The following AHCTF1 variants were observed in gnomAD, a reference collection of about 807,000 sequenced individuals.
AHCTF1 encodes AT-hook containing transcription factor 1.
A neutral mutation model predicts 248.4 loss-of-function variants in AHCTF1; 24 were observed. That is an observed-to-expected ratio of 0.10 (90% CI 0.07 to 0.14). AHCTF1 has a LOEUF of 0.14. Among genes scored for constraint, AHCTF1 ranks in the 10% least tolerant of loss-of-function variants. The pLI, the probability that AHCTF1 is intolerant of heterozygous loss-of-function variation, is 1.00. For synonymous variants in AHCTF1, 786 were observed against 929.8 expected (o/e 0.85, Z 2.81); for missense variants, 2,206 against 2,636.2 (o/e 0.84, Z 3.57).
intron 17 of AHCTF1, among the ~76,000 whole-genome samples, chr1:246,889,247 T>C (rs1664040857): frequency 6.6e-6 from 1 of 151,960 alleles, no homozygotes; most frequent in African/African-American, 2.4e-5. Flanking sequence ...CGTGCAGGTA[T>C]GGTCCCTATT....
At chr1:246,862,282 C>T (rs886194719) in intron 27 of AHCTF1, 129 bp from the exon 28 acceptor site, 4 of 549,568 alleles carry the variant, frequency 7.3e-6, no homozygotes, top group Non-Finnish European at 1.2e-5. Flanking sequence ...AGATCGAGAC[C>T]ATCCTGGCTA....
intron 4 of AHCTF1, among the ~76,000 whole-genome samples, chr1:246,909,975 C>A (rs1208116313): frequency 1.3e-5 from 2 of 152,174 alleles, no homozygotes; most frequent in Non-Finnish European, 2.9e-5. Flanking sequence ...AAGTTGATGA[C>A]AGACTTTAAA....
Position 246,867,821 on chromosome 1 carries a change from G to T in AHCTF1, c.3089-10C>A. The stretch of plus-strand genomic sequence containing the variant: ...GGTTTGGGTCTAGAAACTGTAAAAT[G>T]AAGAACGCTGGAATTAAGTGCATCT... On this transcript the variant is annotated splice_polypyrimidine_tract_variant and intron_variant, in intron 24 of 35. Coordinates refer to ENST00000648844, the MANE Select transcript of AHCTF1 (RefSeq NM_001323342.2). 1 of 1,558,662 alleles carries T rather than the reference G, an allele frequency of 6.4e-7. No individual in the cohort carries two copies. The highest frequency in any genetic ancestry group is 8.7e-7 in the Non-Finnish European group (1 of 1,150,076).
At chr1:246,843,708 A>T in intron 34 of AHCTF1, 87 bp downstream of exon 34, 1 of 976,826 alleles carries the variant, frequency 1.0e-6, no homozygotes, top group Non-Finnish European at 1.3e-6. Context: ...AATCATTAAA[A>T]TTTAAATAAA....
chr1:246,879,814 TGA>T (rs2103112567), intron 21 of AHCTF1, among the ~76,000 whole-genome samples: 1 of 151,278 alleles, frequency 6.6e-6, no homozygotes, highest in South Asian at 2.1e-4. Flanking sequence ...GGTGACAAAG[TGA>T]GACTCTGTTC....
intron 24 of AHCTF1, among the ~76,000 whole-genome samples, chr1:246,870,217 G>A (rs1039404765): frequency 1.3e-5 from 2 of 152,172 alleles, no homozygotes; most frequent in African/African-American, 2.4e-5. Flanking sequence ...GCCAAGGTGG[G>A]AGGATCACTT....
At chr1:246,918,525 G>C in intron 1 of AHCTF1, 148 bp from the exon 2 acceptor site, 2 of 792,154 alleles carry the variant, frequency 2.5e-6, no homozygotes, top group Non-Finnish European at 3.7e-6. Context: ...GCCAGATGCG[G>C]AGGCTCACGC....
At chr1:246,921,699 T>A (rs1666560943) in intron 1 of AHCTF1, among the ~76,000 whole-genome samples, 1 of 152,168 alleles carries the variant, frequency 6.6e-6, no homozygotes, top group African/African-American at 2.4e-5. Context: ...ACAACAGTAG[T>A]AGAAACCGCA....
intron 21 of AHCTF1, among the ~76,000 whole-genome samples, chr1:246,885,071 C>T (rs935490533): frequency 1.3e-5 from 2 of 152,264 alleles, no homozygotes. Flanking sequence ...GGCGCCCCTC[C>T]CTTTTATTCA....
At chr1:246,888,616 A>C in intron 17 of AHCTF1, 99 bp from the exon 18 acceptor site, 1 of 1,378,190 alleles carries the variant, frequency 7.3e-7, no homozygotes, top group Non-Finnish European at 9.8e-7. Context: ...CCAACTATCA[A>C]AGAGAGAAGA....
In AHCTF1 at chr1:246,867,683, T is replaced by C; in HGVS notation, c.3217A>G (p.Asn1073Asp). 6.2e-7 allele frequency: 1 copy of C among 1,612,190 alleles called. No homozygotes were observed. Among genetic ancestry groups the C allele is most frequent in the South Asian group, 1.1e-5 (1 of 90,928 alleles). Residue 1073 changes from asparagine to aspartate, a missense_variant, in exon 25 of 36, where the codon AAT (asparagine) becomes GAT (aspartate). Asn to Asp is a conservative substitution (Grantham distance 23, BLOSUM62 1). Around this residue, in one of 6 missense-constraint regions of AHCTF1, gnomAD observed 955 missense variants for 1,055.6 expected, o/e 0.90. Transcript: ENST00000648844. ...TACCTATTGAAAGGTGTGGTGCTAT[T>C]TATAGGTTCTTTGCTTGCCCAAACT... ...GEVWASKEPI[N>D]STTPFNSSKI...
chr1:246,868,026 G>C (rs1572388804), intron 24 of AHCTF1, among the ~76,000 whole-genome samples: 1 of 150,876 alleles, frequency 6.6e-6, no homozygotes, highest in Non-Finnish European at 1.5e-5. Context: ...GCAGTGGCAT[G>C]ATCTCGGCTC....
At chr1:246,842,586 AAAAT>A (rs1659953152) in intron 35 of AHCTF1, 104 bp downstream of exon 35, 2 of 864,340 alleles carry the variant, frequency 2.3e-6, no homozygotes, top group East Asian at 6.7e-5. Context: ...TGTCTCAAAA[AAAAT>A]AAATAAAAAT....
At chr1:246,869,238 CACTG>C (rs544963368) in intron 24 of AHCTF1, among the ~76,000 whole-genome samples, 3 of 152,220 alleles carry the variant, frequency 2.0e-5, no homozygotes, top group East Asian at 3.9e-4. Flanking sequence ...GTACTTACTC[CACTG>C]ACTAACTGTT....
chr1:246,912,052 GT>G (rs940420590), intron 4 of AHCTF1, among the ~76,000 whole-genome samples: 2 of 151,646 alleles, frequency 1.3e-5, no homozygotes, highest in African/African-American at 2.4e-5. Context: ...GTTTTAATCG[GT>G]TTTTTTATAC....
chr1:246,922,703 C>T (rs1666626755), intron 1 of AHCTF1, among the ~76,000 whole-genome samples: 1 of 150,146 alleles, frequency 6.7e-6, no homozygotes, highest in Non-Finnish European at 1.5e-5. Flanking sequence ...TATCAATAGG[C>T]TGGGCGCAGT....
intron 24 of AHCTF1, among the ~76,000 whole-genome samples, chr1:246,873,278 T>TA (rs1397641867): frequency 6.6e-6 from 1 of 152,166 alleles, no homozygotes; most frequent in Non-Finnish European, 1.5e-5. Context: ...AATCACCATA[T>TA]AAAAAAATAG....
chr1:246,850,151 G>C lies in AHCTF1; in HGVS notation c.5855C>G (p.Ser1952Cys). Residue 1952 changes from serine (S) to cysteine (C), a missense_variant, in exon 33 of 36, where the codon TCC (serine) becomes TGC (cysteine). Transcript: ENST00000648844. ...EVSPSDVRED[S>C]NLESSQLTVQ... ...AGTCAACTGAGATGACTCAAGGTTG[G>C]AGTCTTCTCTCACATCTGATGGACT... The C allele has an allele frequency of 1.2e-6, 2 of 1,613,920 alleles. No individual in the cohort carries two copies. Among genetic ancestry groups the C allele is most frequent in the Non-Finnish European group, 1.7e-6 (2 of 1,179,872 alleles).
intron 35 of AHCTF1, 126 bp from the exon 36 acceptor site, chr1:246,841,124 G>A: frequency 1.3e-6 from 1 of 764,686 alleles, no homozygotes; most frequent in Non-Finnish European, 2.0e-6. Flanking sequence ...AAGATGTAAT[G>A]GTTTCAAGGG....
Sources: gnomAD v4.1 joint callset for allele counts (sites outside exome capture counted in the v4.1 genomes callset) on GRCh38, gnomAD v4.1.1 for gene constraint, gnomAD v4.1.1 regional missense constraint, MANE v1.5 for transcripts, NCBI Gene and HGNC (gene_info 2026-07-23, HGNC 2026-07-21) for gene names.